Variants in SOX5 observed in about 807,000 individuals in gnomAD.
SOX5 encodes transcription factor SOX-5.
SOX5 carries 9 observed loss-of-function variants against 92.0 expected under a neutral mutation model. The ratio of observed to expected loss-of-function variants is 0.10; its 90% CI spans 0.06 to 0.17. The LOEUF (loss-of-function observed/expected upper bound fraction) is 0.17. Among genes scored for constraint, SOX5 ranks in the 10% least tolerant of loss-of-function variants. The pLI, the probability that SOX5 is intolerant of heterozygous loss-of-function variation, is 1.00. For missense variants in SOX5, 642 were observed against 944.5 expected, an observed-to-expected ratio of 0.68 and a Z score of 4.20; for synonymous variants, 344 against 336.3, an observed-to-expected ratio of 1.02 and a Z score of -0.25.
At chr12:24,211,816 G>A (rs1047918145) in intron 4 of SOX5, among the ~76,000 whole-genome samples, 1 of 152,186 alleles carries the variant, frequency 6.6e-6, no homozygotes, top group Non-Finnish European at 1.5e-5. Context: ...GGATCTATGA[G>A]ATGTTTGTCC....
intron 9 of SOX5, among the ~76,000 whole-genome samples, chr12:23,592,500 T>C (rs1468872289): frequency 6.6e-6 from 1 of 152,186 alleles, no homozygotes; most frequent in Non-Finnish European, 1.5e-5. Flanking sequence ...CAAAAGATAC[T>C]ATCTACAAGG....
intron 8 of SOX5, among the ~76,000 whole-genome samples, chr12:23,612,516 T>A (rs1236272104): frequency 6.6e-6 from 1 of 152,094 alleles, no homozygotes; most frequent in Non-Finnish European, 1.5e-5. Context: ...AGAGCTAAAA[T>A]CTTGATGATT....
intron 1 of SOX5, among the ~76,000 whole-genome samples, chr12:24,531,835 G>T (rs1040579572): frequency 6.6e-6 from 1 of 152,074 alleles, no homozygotes; most frequent in Non-Finnish European, 1.5e-5. Context: ...AAATTTGCCC[G>T]CTGAGGTTAT....
intron 2 of SOX5, among the ~76,000 whole-genome samples, chr12:23,846,635 A>G (rs1165951772): frequency 6.6e-6 from 1 of 150,910 alleles, no homozygotes; most frequent in Non-Finnish European, 1.5e-5. Context: ...TGACTTTGTA[A>G]TATTTAAACA....
intron 4 of SOX5, among the ~76,000 whole-genome samples, chr12:24,125,610 C>A (rs1949036759): frequency 6.6e-6 from 1 of 152,102 alleles, no homozygotes; most frequent in Non-Finnish European, 1.5e-5. Flanking sequence ...ACTGAGAAAT[C>A]GTCTCTATGA....
chr12:24,271,729 T>C (rs1943763868), intron 3 of SOX5, among the ~76,000 whole-genome samples: 1 of 152,216 alleles, frequency 6.6e-6, no homozygotes, highest in African/African-American at 2.4e-5. Flanking sequence ...ATTAAAAATT[T>C]ATTTCTCCAC....
intron 2 of SOX5, among the ~76,000 whole-genome samples, chr12:24,357,808 T>C (rs1233615987): frequency 7.8e-5 from 11 of 141,452 alleles, no homozygotes; most frequent in Admixed American, 1.6e-4. Flanking sequence ...GCGACTGCAC[T>C]CCAGCCTGGG....
chr12:24,062,665 A>G lies in SOX5; in HGVS notation c.-2+150678T>C, dbSNP rs115647033. On this transcript the variant is annotated intron_variant, in intron 4 of 4. Transcript: ENST00000446891. ...TAGAGCTTGCCAGTGGGCCACCCAC[A>G]GAAAATTCTGCTTATATGTAGCATC... Among the ~76,000 whole-genome samples the G allele has an allele frequency of 2.4e-3, 364 of 152,344 alleles. 1 individual carries two copies. The highest frequency in any genetic ancestry group is 8.7e-3 in the African/African-American group (360 of 41,586).
At chr12:23,840,771 T>TTC (rs1312503241) in intron 3 of SOX5, among the ~76,000 whole-genome samples, 1 of 152,122 alleles carries the variant, frequency 6.6e-6, no homozygotes, top group African/African-American at 2.4e-5. Context: ...ATAATTGGAC[T>TTC]TCTATATGCA....
intron 1 of SOX5, among the ~76,000 whole-genome samples, chr12:24,435,663 G>C (rs1367478330): frequency 1.3e-5 from 2 of 152,150 alleles, no homozygotes; most frequent in African/African-American, 4.8e-5. Flanking sequence ...TAAACAACTT[G>C]ACAAGTGAAT....
intron 2 of SOX5, among the ~76,000 whole-genome samples, chr12:23,885,713 T>G (rs2097056495): frequency 6.6e-6 from 1 of 152,094 alleles, no homozygotes; most frequent in Non-Finnish European, 1.5e-5. Context: ...TAAAAAGCAT[T>G]TTGCACACAA....
intron 1 of SOX5, among the ~76,000 whole-genome samples, chr12:24,481,012 C>T (rs1945932311): frequency 6.6e-6 from 1 of 152,048 alleles, no homozygotes; most frequent in African/African-American, 2.4e-5. Flanking sequence ...ACCTAAGTGT[C>T]CATCTACAGA....
At chr12:23,971,121 CTTT>C (rs71059953) in intron 4 of SOX5, among the ~76,000 whole-genome samples, 3 of 86,218 alleles carry the variant, frequency 3.5e-5, no homozygotes, top group African/African-American at 5.4e-5. Flanking sequence ...TGTCAGCTGA[CTTT>C]TTTTTTTTTT....
At chr12:24,202,046 A>G (rs1957567747) in intron 4 of SOX5, among the ~76,000 whole-genome samples, 1 of 152,142 alleles carries the variant, frequency 6.6e-6, no homozygotes, top group South Asian at 2.1e-4. Context: ...GCTCTCCTCC[A>G]TTGGTGTGAA....
At chr12:23,618,501 C>A (rs2076824005) in intron 8 of SOX5, among the ~76,000 whole-genome samples, 1 of 152,090 alleles carries the variant, frequency 6.6e-6, no homozygotes, top group African/African-American at 2.4e-5. Flanking sequence ...TATTATTTTG[C>A]ATGTCAAAAA....
intron 2 of SOX5, among the ~76,000 whole-genome samples, chr12:24,332,680 T>G (rs2140997168): frequency 6.6e-6 from 1 of 151,972 alleles, no homozygotes; most frequent in South Asian, 2.1e-4. Flanking sequence ...AACGATAATT[T>G]TATTGAGAGT....
intron 1 of SOX5, among the ~76,000 whole-genome samples, chr12:24,509,642 C>G (rs896673345): frequency 1.3e-5 from 2 of 152,176 alleles, no homozygotes; most frequent in African/African-American, 4.8e-5. Context: ...ACTGAACCTC[C>G]TAAGCCATGG....
chr12:23,794,793 T>C (rs1037671253), intron 3 of SOX5, among the ~76,000 whole-genome samples: 11 of 152,128 alleles, frequency 7.2e-5, no homozygotes, highest in Non-Finnish European at 1.5e-4. Flanking sequence ...AGTTTAGGTC[T>C]ACAAAAGAAA....
intron 4 of SOX5, among the ~76,000 whole-genome samples, chr12:24,008,340 G>A (rs1031271303): frequency 1.3e-5 from 2 of 152,026 alleles, no homozygotes; most frequent in East Asian, 1.9e-4. Context: ...TGACAGAACC[G>A]ACTATTATGA....
Sources: gnomAD v4.1 joint callset for allele counts (sites outside exome capture counted in the v4.1 genomes callset) on GRCh38, gnomAD v4.1.1 for gene constraint, MANE v1.5 for transcripts, NCBI Gene and HGNC (gene_info 2026-07-23, HGNC 2026-07-21) for gene names.